Variants in TMEM170B observed in about 807,000 individuals in gnomAD.
The protein encoded by TMEM170B is transmembrane protein 170B.
In TMEM170B, 6 loss-of-function variants were observed where a neutral mutation model predicts 13.0. The ratio of observed to expected loss-of-function variants is 0.46; its 90% confidence interval spans 0.25 to 0.91. The LOEUF is 0.91. Among genes scored for constraint, TMEM170B ranks in the 40% least tolerant of loss-of-function variants. The pLI is 0.17. For missense variants in TMEM170B, 138 were observed against 165.2 expected, an observed-to-expected ratio of 0.84 and a Z score of 0.90; for synonymous variants, 61 against 64.9, an observed-to-expected ratio of 0.94 and a Z score of 0.29.
chr6:11,562,189 T>C (rs1759675169), intron 1 of TMEM170B, among the ~76,000 whole-genome samples: 1 of 152,092 alleles, frequency 6.6e-6, no homozygotes, highest in Non-Finnish European at 1.5e-5. Context: ...TACTCCCTTA[T>C]ATTCTCACTT....
intron 1 of TMEM170B, among the ~76,000 whole-genome samples, chr6:11,564,898 C>T (rs1312906409): frequency 6.6e-6 from 1 of 152,202 alleles, no homozygotes; most frequent in Non-Finnish European, 1.5e-5. Context: ...TTTCCACCCT[C>T]ACTACAGTAT....
chr6:11,578,357 A>G lies in TMEM170B; in HGVS notation c.*2796A>G, dbSNP rs1759906797. 1 of 152,144 alleles carries G rather than the reference A, an allele frequency of 6.6e-6. No homozygotes were observed. The highest frequency in any genetic ancestry group is 1.5e-5 in the Non-Finnish European group (1 of 68,002). 9.4% of individuals were successfully genotyped at this position (152,144 alleles called of 1,614,324 possible). A position where few individuals can be genotyped will look rare whatever the true frequency, so the allele number is the denominator to read the frequency against. On this transcript the variant is annotated 3_prime_UTR_variant, in exon 3 of 3. Coordinates refer to ENST00000379426, the MANE Select transcript of TMEM170B (RefSeq NM_001100829.3). The stretch of plus-strand genomic sequence containing the variant: ...AGGGAGGGAGGATCCTCTATAGTGG[A>G]CACTCCTTTATTTAAAAAATGTTTA...
chr6:11,575,812 G>T lies in TMEM170B; in HGVS notation c.*251G>T. The T allele has an allele frequency of 6.5e-6, 2 of 307,740 alleles. No individual in the cohort carries two copies. The highest frequency in any genetic ancestry group is 1.2e-5 in the Non-Finnish European group (2 of 164,988). The allele number at this position is 307,740 out of a possible 1,614,324, so 19.1% of individuals were successfully genotyped here. ...ACACTATGTAAAGTTACAAGAAAAA[G>T]CACCTTGTTTAGCTGCCTATCAGGT... On this transcript the variant is annotated 3_prime_UTR_variant, in exon 3 of 3. Transcript: ENST00000379426. The surrounding 1 kb of genome is among the most constrained non-coding windows in gnomAD (Gnocchi z 4.1).
At chr6:11,568,905 G>A (rs936876137) in intron 2 of TMEM170B, among the ~76,000 whole-genome samples, 2 of 152,074 alleles carry the variant, frequency 1.3e-5, no homozygotes, top group Non-Finnish European at 2.9e-5. Context: ...TGAAACTAGA[G>A]TGATTTTTCA....
At chr6:11,543,806 T>C (rs1293679077) in intron 1 of TMEM170B, among the ~76,000 whole-genome samples, 3 of 152,188 alleles carry the variant, frequency 2.0e-5, no homozygotes, top group Non-Finnish European at 2.9e-5. Flanking sequence ...TAGTGTTTTT[T>C]TCCCATGTAC....
At chr6:11,560,308 G>C (rs1759645296) in intron 1 of TMEM170B, among the ~76,000 whole-genome samples, 1 of 150,018 alleles carries the variant, frequency 6.7e-6, no homozygotes, top group South Asian at 2.1e-4. Context: ...GGGACTACAG[G>C]TGCCCGCCAC....
intron 1 of TMEM170B, among the ~76,000 whole-genome samples, chr6:11,542,299 C>T (rs1044951502): frequency 4.6e-5 from 7 of 152,164 alleles, no homozygotes; most frequent in African/African-American, 1.7e-4. Context: ...CCAGCTTCAA[C>T]AATATTTTTA....
At chr6:11,557,067 C>A (rs909895234) in intron 1 of TMEM170B, among the ~76,000 whole-genome samples, 1 of 152,110 alleles carries the variant, frequency 6.6e-6, no homozygotes, top group African/African-American at 2.4e-5. Context: ...GATATGTTAA[C>A]CCATGCTTGG....
intron 1 of TMEM170B, among the ~76,000 whole-genome samples, chr6:11,547,228 AAAAG>A (rs1727649541): frequency 6.6e-6 from 1 of 151,350 alleles, no homozygotes; most frequent in East Asian, 1.9e-4. Context: ...AAGAAAAAAT[AAAAG>A]AAAGTGAATA....
chr6:11,543,587 T>C (rs1423377961), intron 1 of TMEM170B, among the ~76,000 whole-genome samples: 3 of 152,222 alleles, frequency 2.0e-5, no homozygotes, highest in African/African-American at 7.2e-5. Flanking sequence ...AAAGTCATTA[T>C]CTTTTTTCAT....
intron 1 of TMEM170B, among the ~76,000 whole-genome samples, chr6:11,556,661 T>A (rs1759593728): frequency 6.6e-6 from 1 of 152,170 alleles, no homozygotes; most frequent in South Asian, 2.1e-4. Context: ...GAGTTTCTCG[T>A]CCTTCCATCG....
intron 1 of TMEM170B, among the ~76,000 whole-genome samples, chr6:11,562,883 T>C (rs1759687812): frequency 1.3e-5 from 2 of 152,264 alleles, no homozygotes; most frequent in South Asian, 4.1e-4. Context: ...CTCATGTTGC[T>C]TTTTAATAAC....
rs1384868747 is a variant in TMEM170B at position 11,580,939 on chromosome 6, G to A, written c.*5378G>A. 1 of 152,170 alleles carries A rather than the reference G, an allele frequency of 6.6e-6. No homozygotes were observed. Among genetic ancestry groups the A allele is most frequent in the Non-Finnish European group, 1.5e-5 (1 of 68,028 alleles). 9.4% of individuals were successfully genotyped at this position (152,170 alleles called of 1,614,324 possible). A position where few individuals can be genotyped will look rare whatever the true frequency, so the allele number is the denominator to read the frequency against. ...TGTGTGTGTGTGTGGTGACAGGTTT[G>A]CTCTTCTCACTTAAGGAGCTCTGGT... On this transcript the variant is annotated 3_prime_UTR_variant, in exon 3 of 3. Coordinates refer to ENST00000379426, the MANE Select transcript of TMEM170B (RefSeq NM_001100829.3).
intron 2 of TMEM170B, among the ~76,000 whole-genome samples, chr6:11,573,797 A>C (rs181049890): frequency 2.6e-5 from 4 of 152,288 alleles, no homozygotes; most frequent in African/African-American, 4.8e-5. Context: ...TCTAGGATGA[A>C]TCCAAAGAGA....
At chr6:11,556,927 A>T (rs1427737252) in intron 1 of TMEM170B, among the ~76,000 whole-genome samples, 1 of 152,106 alleles carries the variant, frequency 6.6e-6, no homozygotes, top group African/African-American at 2.4e-5. Flanking sequence ...CTATACCACC[A>T]GTGGTGGCTC....
chr6:11,558,939 A>G (rs1759624676), intron 1 of TMEM170B, among the ~76,000 whole-genome samples: 1 of 152,234 alleles, frequency 6.6e-6, no homozygotes, highest in Non-Finnish European at 1.5e-5. Flanking sequence ...ATTTTCTGTA[A>G]ATACAGTATT....
chr6:11,574,200 A>G (rs1001888707), intron 2 of TMEM170B, among the ~76,000 whole-genome samples: 2 of 152,070 alleles, frequency 1.3e-5, no homozygotes, highest in Non-Finnish European at 2.9e-5. Flanking sequence ...GGGTGGTATG[A>G]TATTTAAATA....
chr6:11,565,786 T>C lies in TMEM170B; in HGVS notation c.218T>C (p.Ile73Thr). 5 of 1,614,170 alleles carry C rather than the reference T, an allele frequency of 3.1e-6. No homozygotes were observed. The highest frequency in any genetic ancestry group is 4.2e-6 in the Non-Finnish European group (5 of 1,179,998). Residue 73 changes from isoleucine (I) to threonine (T), a missense_variant, in exon 2 of 3, where the codon ATT becomes ACT. Ile to Thr is a moderately conservative substitution (Grantham distance 89). Coordinates refer to ENST00000379426, the MANE Select transcript of TMEM170B (RefSeq NM_001100829.3). ...AGGCAGGGAAGAGTCATCTCTGTCA[T>C]TGCAGTCAGCATTGGATTTCTGGCT... is the stretch of plus-strand genomic sequence containing the variant. The part of the protein sequence containing the change: ...RHRQGRVISV[I>T]AVSIGFLASV...
chr6:11,546,737 AC>A, intron 1 of TMEM170B, among the ~76,000 whole-genome samples: 1 of 152,352 alleles, frequency 6.6e-6, no homozygotes, highest in East Asian at 1.9e-4. Flanking sequence ...AATAGGCTAT[AC>A]CATATAGCCT....
Sources: allele counts gnomAD v4.1 joint callset (sites outside exome capture counted in the v4.1 genomes callset), GRCh38; gene constraint gnomAD v4.1.1; non-coding constraint Gnocchi (gnomAD v3.1); transcripts MANE v1.5; gene names NCBI Gene and HGNC (gene_info 2026-07-23, HGNC 2026-07-21).